SRGAP3: variants seen among roughly 807,000 people sequenced by gnomAD.
SRGAP3 encodes the protein SLIT-ROBO Rho GTPase-activating protein 3.
Under a neutral mutation model 121.1 loss-of-function variants are expected in SRGAP3, and 39 were observed. The observed-to-expected ratio is 0.32, with a 90% CI of 0.25 to 0.42. The LOEUF (loss-of-function observed/expected upper bound fraction) is 0.42. Ranked by LOEUF, SRGAP3 falls within the 10% of genes least tolerant of loss-of-function variation. The pLI, the probability that SRGAP3 is intolerant of heterozygous loss-of-function variation, is 1.00. For synonymous variants in SRGAP3, 601 were observed against 570.0 expected (o/e 1.05, Z -0.77); for missense variants, 1,213 against 1,470.6 (o/e 0.82, Z 2.86).
intron 1 of SRGAP3, among the ~76,000 whole-genome samples, chr3:9,173,879 A>C (rs1423403719): frequency 6.6e-6 from 1 of 152,210 alleles, no homozygotes; most frequent in Non-Finnish European, 1.5e-5. Context: ...GAGCATGGGA[A>C]CCAAGTTCAT....
At chr3:9,097,217 C>T (rs1365124503) in intron 3 of SRGAP3, among the ~76,000 whole-genome samples, 3 of 151,792 alleles carry the variant, frequency 2.0e-5, no homozygotes, top group East Asian at 3.9e-4. Flanking sequence ...TCTCAAGCTC[C>T]TGGCCTCAAG....
At chr3:9,224,024 G>A (rs565216914) in intron 1 of SRGAP3, among the ~76,000 whole-genome samples, 1 of 152,144 alleles carries the variant, frequency 6.6e-6, no homozygotes, top group East Asian at 1.9e-4. Flanking sequence ...CACAAGCCAC[G>A]GGGCTCTGAA....
chr3:9,139,262 G>T (rs1428323179), intron 1 of SRGAP3, among the ~76,000 whole-genome samples: 1 of 152,186 alleles, frequency 6.6e-6, no homozygotes, highest in Non-Finnish European at 1.5e-5. Flanking sequence ...GAGACATCCA[G>T]TTCCTAATCC....
At chr3:9,087,479 G>A (rs1208976630) in intron 3 of SRGAP3, among the ~76,000 whole-genome samples, 3 of 152,176 alleles carry the variant, frequency 2.0e-5, no homozygotes, top group Non-Finnish European at 4.4e-5. Flanking sequence ...GGCGGAAAGG[G>A]CCATACAAGA....
At chr3:9,216,871 A>C (rs958338599) in intron 1 of SRGAP3, 2 of 152,300 alleles carry the variant, frequency 1.3e-5, no homozygotes, top group African/African-American at 4.8e-5. Flanking sequence ...CTCAACACGG[A>C]TGAACCCTGA....
At chr3:9,001,819 T>C (rs74456391) in intron 18 of SRGAP3, among the ~76,000 whole-genome samples, 28,127 of 152,070 alleles carry the variant, frequency 0.18, 3,086 homozygotes, top group Non-Finnish European at 0.25. Context: ...TAGAGATAAA[T>C]GGCAGCATTT....
intron 18 of SRGAP3, among the ~76,000 whole-genome samples, chr3:8,998,619 T>G (rs1942561273): frequency 6.6e-6 from 1 of 152,060 alleles, no homozygotes; most frequent in Non-Finnish European, 1.5e-5. Flanking sequence ...ACACATATAA[T>G]TTTGAAACTT....
At chr3:9,233,782 C>A (rs1045358009) in intron 1 of SRGAP3, among the ~76,000 whole-genome samples, 6 of 152,214 alleles carry the variant, frequency 3.9e-5, no homozygotes, top group Non-Finnish European at 8.8e-5. Context: ...CTGCACCACT[C>A]CTTCCATAAC....
chr3:9,013,207 C>T (rs756303054), intron 17 of SRGAP3, 101 bp downstream of exon 17: 33 of 1,169,734 alleles, frequency 2.8e-5, no homozygotes, highest in African/African-American at 6.1e-5. Context: ...ATGGAAGCAC[C>T]GACTATCAAG....
intron 1 of SRGAP3, among the ~76,000 whole-genome samples, chr3:9,212,328 T>C (rs568928238): frequency 4.6e-5 from 7 of 152,212 alleles, no homozygotes; most frequent in African/African-American, 1.7e-4. Context: ...CCCCAAGAGG[T>C]GCTCACAAGT....
At chr3:9,090,267 T>G (rs1018310974) in intron 3 of SRGAP3, among the ~76,000 whole-genome samples, 31 of 151,408 alleles carry the variant, frequency 2.0e-4, no homozygotes, top group African/African-American at 7.5e-4. Context: ...CTTTAAAGAG[T>G]TTCCCACAAT....
At chr3:9,308,561 T>A (rs1955194515) in intron 3 of SRGAP3, among the ~76,000 whole-genome samples, 1 of 152,176 alleles carries the variant, frequency 6.6e-6, no homozygotes, top group African/African-American at 2.4e-5. Flanking sequence ...TCCTCTTGTT[T>A]ACAGGGTCAG....
At chr3:9,044,256 C>T (rs1454262796) in intron 10 of SRGAP3, among the ~76,000 whole-genome samples, 1 of 152,158 alleles carries the variant, frequency 6.6e-6, no homozygotes, top group African/African-American at 2.4e-5. Context: ...TTCCAAGACC[C>T]CCAGTGGATG....
At position 9,249,445 on chromosome 3, in the gene SRGAP3, T is replaced by G. The variant is rs1379630222; in HGVS notation, c.-494A>C. 4.0e-6 allele frequency: 1 copy of G among 249,840 alleles called. No homozygotes were observed. The highest frequency in any genetic ancestry group is 7.8e-6 in the Non-Finnish European group (1 of 127,436). 15.5% of individuals were successfully genotyped at this position (249,840 alleles called of 1,614,324 possible). On this transcript the variant is annotated 5_prime_UTR_variant, in exon 1 of 22. Coordinates refer to ENST00000383836, the MANE Select transcript of SRGAP3 (RefSeq NM_014850.4). ...ACACATCCACGAGAGGCGCGGCGCCTCTTTGGTCGTGCAGCCAGCCCCTGG... is the reference window on the plus strand; with the variant it reads ...ACACATCCACGAGAGGCGCGGCGCCGCTTTGGTCGTGCAGCCAGCCCCTGG...
At chr3:9,309,461 T>C (rs1347405018) in intron 3 of SRGAP3, among the ~76,000 whole-genome samples, 1 of 152,184 alleles carries the variant, frequency 6.6e-6, no homozygotes, top group East Asian at 1.9e-4. Context: ...GACACCTCCT[T>C]AACATTACAC....
Position 8,993,052 on chromosome 3 carries a change from A to G in SRGAP3, c.2412T>C (p.Asp804=). 6.2e-7 allele frequency: 1 copy of G among 1,614,060 alleles called. No homozygotes were observed. The highest frequency in any genetic ancestry group is 8.5e-7 in the Non-Finnish European group (1 of 1,180,044). ...GGCTCAGGCTGTCGGAGAAGGCATC[A>G]TCCCTGGGGAGAAGACAGACATGAA... ...PHQYIVVQDM[D]DAFSDSLSQK... Residue 804 remains aspartate (D), a synonymous_variant, in exon 20 of 22, where the codon GAT becomes GAC. Transcript: ENST00000383836.
intron 3 of SRGAP3, among the ~76,000 whole-genome samples, chr3:9,261,085 C>T (rs975482294): frequency 4.6e-5 from 7 of 152,176 alleles, no homozygotes; most frequent in Non-Finnish European, 2.9e-5. Context: ...CTCCAGCAAA[C>T]TCCAGCAGAC....
At chr3:9,184,633 G>A (rs1336057557) in intron 1 of SRGAP3, among the ~76,000 whole-genome samples, 1 of 152,186 alleles carries the variant, frequency 6.6e-6, no homozygotes, top group East Asian at 1.9e-4. Context: ...CCTAGAATGG[G>A]AATTAGGCAG....
In SRGAP3 at chr3:9,109,762, C is replaced by T. The variant is rs977603653; in HGVS notation, c.261-4920G>A. ...GTCATGCATGGCTTCCTGGAGGAAA[C>T]GCTTTCTAGACTGAGAACTAAAAGC... On this transcript the variant is annotated intron_variant, in intron 2 of 21. Transcript: ENST00000383836. The surrounding 1 kb of genome is among the most constrained non-coding windows in gnomAD (Gnocchi z 4.4). Among the ~76,000 whole-genome samples the T allele has an allele frequency of 2.6e-5, 4 of 152,122 alleles. No homozygotes were observed. Among genetic ancestry groups the T allele is most frequent in the East Asian group, 3.9e-4 (2 of 5,184 alleles).
Sources: gnomAD v4.1 joint callset for allele counts (sites outside exome capture counted in the v4.1 genomes callset) on GRCh38, gnomAD v4.1.1 for gene constraint, Gnocchi (gnomAD v3.1) non-coding constraint, MANE v1.5 for transcripts, NCBI Gene and HGNC (gene_info 2026-07-23, HGNC 2026-07-21) for gene names.